NRG1: variants seen among roughly 807,000 people sequenced by gnomAD.
The protein encoded by NRG1 is neuregulin 1, also known as pro-neuregulin-1, membrane-bound isoform.
Under a neutral mutation model 63.8 loss-of-function variants are expected in NRG1, and 18 were observed. The ratio of observed to expected loss-of-function variants is 0.28; its 90% confidence interval spans 0.19 to 0.42. NRG1 has a LOEUF of 0.42. Ranked by LOEUF, NRG1 falls within the 10% of genes least tolerant of loss-of-function variation. NRG1 has a pLI of 1.00. For synonymous variants in NRG1, 302 were observed against 301.3 expected, an observed-to-expected ratio of 1.00 and a Z score of -0.02; for missense variants, 762 against 814.7, an observed-to-expected ratio of 0.94 and a Z score of 0.79.
chr8:32,705,225 G>A (rs961505017), intron 5 of NRG1, among the ~76,000 whole-genome samples: 6 of 146,982 alleles, frequency 4.1e-5, no homozygotes, highest in Admixed American at 1.4e-4. Context: ...TCCACCTCCC[G>A]GGTTCACACC....
In NRG1 at chr8:31,640,389, C is replaced by T. The variant is rs1316580629; in HGVS notation, c.37+958C>T. The T allele has an allele frequency of 1.0e-5, 14 of 1,344,796 alleles. No individual in the cohort carries two copies. The highest frequency in any genetic ancestry group is 1.9e-5 in the South Asian group (1 of 51,464). 83.3% of individuals were successfully genotyped at this position (1,344,796 alleles called of 1,614,324 possible). On this transcript the variant is annotated intron_variant, in intron 1 of 10. Transcript: ENST00000519301. The surrounding 1 kb of genome is among the most constrained non-coding windows in gnomAD (Gnocchi z 6.3). ...CGCCCGCCGAGGAGCCGCTGCTCGC[C>T]GCCAACGGGACCGTGCCCTCTTGGC...
chr8:32,237,904 C>T (rs143498324), intron 1 of NRG1, among the ~76,000 whole-genome samples: 201 of 152,226 alleles, frequency 1.3e-3, no homozygotes, highest in African/African-American at 4.5e-3. Context: ...AAGCAATTCA[C>T]TAACTATTTA....
intron 6 of NRG1, among the ~76,000 whole-genome samples, chr8:32,735,607 G>A (rs904827559): frequency 6.6e-6 from 1 of 152,120 alleles, no homozygotes; most frequent in African/African-American, 2.4e-5. Flanking sequence ...CCACAAATTA[G>A]CAGTCGATAT....
chr8:32,610,364 C>G (rs1363178760), intron 3 of NRG1, among the ~76,000 whole-genome samples: 1 of 152,036 alleles, frequency 6.6e-6, no homozygotes, highest in East Asian at 1.9e-4. Context: ...GGGAGACATT[C>G]GTTGGAAGCT....
intron 1 of NRG1, among the ~76,000 whole-genome samples, chr8:31,943,173 GTACACACACGCCA>G (rs1802015375): frequency 6.6e-6 from 1 of 152,014 alleles, no homozygotes; most frequent in South Asian, 2.1e-4. Context: ...ATATTTATAT[GTACACACACGCCA>G]TGGAATACTA....
At chr8:31,866,012 C>T (rs1828925367) in intron 1 of NRG1, among the ~76,000 whole-genome samples, 2 of 152,150 alleles carry the variant, frequency 1.3e-5, no homozygotes, top group African/African-American at 4.8e-5. Flanking sequence ...ACAGATGTGG[C>T]CTCACATTTC....
At chr8:32,459,603 TAAAAAAA>T (rs1322128327) in intron 1 of NRG1, among the ~76,000 whole-genome samples, 1 of 141,824 alleles carries the variant, frequency 7.1e-6, no homozygotes, top group Non-Finnish European at 1.5e-5. Flanking sequence ...CATTTCTAAT[TAAAAAAA>T]AAAAAAAAGA....
intron 1 of NRG1, among the ~76,000 whole-genome samples, chr8:32,210,878 A>G (rs1844639031): frequency 6.6e-6 from 1 of 152,234 alleles, no homozygotes; most frequent in African/African-American, 2.4e-5. Flanking sequence ...TTCTTTAACC[A>G]TAGATAAATG....
At chr8:32,106,601 A>T (rs955655256) in intron 1 of NRG1, among the ~76,000 whole-genome samples, 1 of 152,184 alleles carries the variant, frequency 6.6e-6, no homozygotes, top group African/African-American at 2.4e-5. Flanking sequence ...CCTTCTTCAG[A>T]TGTGAGAGTT....
chr8:32,772,187 C>T (rs1258792498), downstream of NRG1, among the ~76,000 whole-genome samples: 1 of 151,234 alleles, frequency 6.6e-6, no homozygotes, highest in East Asian at 1.9e-4. Context: ...ATGATCCATC[C>T]AATAATTCCT....
At chr8:32,200,223 C>G (rs951068299) in intron 1 of NRG1, among the ~76,000 whole-genome samples, 1 of 152,128 alleles carries the variant, frequency 6.6e-6, no homozygotes, top group Non-Finnish European at 1.5e-5. Flanking sequence ...AATGTTTCCT[C>G]TAGTGTTTTT....
Position 32,333,372 on chromosome 8 carries a change from G to A in NRG1, c.38-262456G>A, listed in dbSNP as rs1298605943. ...GTGTAGATGTATCACAATGCATTCA[G>A]GTATTCTCCTATGGTATTAACTTGG... On this transcript the variant is annotated intron_variant, in intron 1 of 10. Coordinates refer to the NRG1 transcript ENST00000519301. Among the ~76,000 whole-genome samples the A allele has an allele frequency of 2.6e-5, 4 of 152,074 alleles. No homozygotes were observed. In the East Asian group the frequency reaches 7.8e-4, roughly 30 times the overall value.
intron 1 of NRG1, among the ~76,000 whole-genome samples, chr8:32,589,038 A>C (rs921935597): frequency 6.6e-6 from 1 of 152,228 alleles, no homozygotes; most frequent in African/African-American, 2.4e-5. Context: ...GATATAACCC[A>C]ACATCACCCA....
intron 1 of NRG1, among the ~76,000 whole-genome samples, chr8:31,867,667 A>C (rs1245521836): frequency 6.6e-6 from 1 of 152,318 alleles, no homozygotes; most frequent in African/African-American, 2.4e-5. Context: ...TTAGCTGTTC[A>C]GAAAAATATC....
At position 32,742,896 on chromosome 8, in the gene NRG1, C is replaced by T; in HGVS notation, c.691+163C>T. On this transcript the variant is annotated intron_variant, in intron 7 of 11. Coordinates refer to ENST00000356819, the Ensembl canonical transcript of NRG1. The surrounding 1 kb of genome is among the most constrained non-coding windows in gnomAD (Gnocchi z 4.2). ...TGTCGCATGAGAACATTAACAAAAG[C>T]AATTGTATTACTTCCTCTGTTCGCG... 1 of 1,536,666 alleles carries T rather than the reference C, an allele frequency of 6.5e-7. No individual in the cohort carries two copies. The highest frequency in any genetic ancestry group is 1.2e-5 in the South Asian group (1 of 80,628).
intron 1 of NRG1, among the ~76,000 whole-genome samples, chr8:31,875,817 C>T (rs1829869510): frequency 1.3e-5 from 2 of 152,106 alleles, no homozygotes; most frequent in Non-Finnish European, 2.9e-5. Flanking sequence ...CATGTCCCTA[C>T]AAGGAAATTC....
At chr8:32,425,312 T>TA (rs1175088323) in intron 1 of NRG1, among the ~76,000 whole-genome samples, 1 of 152,198 alleles carries the variant, frequency 6.6e-6, no homozygotes, top group African/African-American at 2.4e-5. Flanking sequence ...AGTAGAGTCC[T>TA]ATTTAGAAAG....
intron 1 of NRG1, among the ~76,000 whole-genome samples, chr8:32,584,863 TTAAAAC>T (rs1352870892): frequency 1.9e-4 from 29 of 152,242 alleles, no homozygotes; most frequent in Non-Finnish European, 1.2e-4. Flanking sequence ...TTATCATTGT[TTAAAAC>T]TAATTATAAT....
chr8:32,574,561 A>C (rs866323674), intron 1 of NRG1, among the ~76,000 whole-genome samples: 22 of 152,180 alleles, frequency 1.4e-4, no homozygotes, highest in Non-Finnish European at 2.6e-4. Flanking sequence ...TCCTCATGAT[A>C]ATGACTAAGA....
Sources: gnomAD v4.1 joint callset for allele counts (sites outside exome capture counted in the v4.1 genomes callset) on GRCh38, gnomAD v4.1.1 for gene constraint, Gnocchi (gnomAD v3.1) non-coding constraint, MANE v1.5 for transcripts, NCBI Gene and HGNC (gene_info 2026-07-23, HGNC 2026-07-21) for gene names.